The following UBE2D3 variants were observed in gnomAD, a reference collection of about 807,000 sequenced individuals.
UBE2D3 encodes ubiquitin-conjugating enzyme E2 D3.
In UBE2D3, 2 loss-of-function variants were observed where a neutral mutation model predicts 22.8. That is an observed-to-expected ratio of 0.09 (90% CI 0.04 to 0.28). The LOEUF (loss-of-function observed/expected upper bound fraction) is 0.28, where lower values mean the gene tolerates loss of function less well. Ranked by LOEUF, UBE2D3 falls within the 10% of genes least tolerant of loss-of-function variation. UBE2D3 has a pLI of 1.00. For missense variants in UBE2D3, 27 were observed against 182.5 expected, an observed-to-expected ratio of 0.15 and a Z score of 4.91; for synonymous variants, 56 against 60.4, an observed-to-expected ratio of 0.93 and a Z score of 0.34.
chr4:102,848,048 A>C (rs1732137244), intron 1 of UBE2D3, among the ~76,000 whole-genome samples: 1 of 152,310 alleles, frequency 6.6e-6, no homozygotes, highest in South Asian at 2.1e-4. Flanking sequence ...TCACTCATGC[A>C]AAAATTCAAA....
chr4:102,807,260 TTTATC>T (rs1256305365), intron 4 of UBE2D3, among the ~76,000 whole-genome samples: 1 of 152,208 alleles, frequency 6.6e-6, no homozygotes, highest in Non-Finnish European at 1.5e-5. Flanking sequence ...TAAGCTACTA[TTTATC>T]TTATACAGTG....
chr4:102,813,823 T>C (rs1728407367), intron 2 of UBE2D3, among the ~76,000 whole-genome samples: 1 of 152,036 alleles, frequency 6.6e-6, no homozygotes. Flanking sequence ...GAGGCAAATA[T>C]TTGCCTCTTA....
At position 102,817,099 on chromosome 4, in the gene UBE2D3, T is replaced by C. The variant is rs563437347; in HGVS notation, c.25-7244A>G. Among the ~76,000 whole-genome samples, 3 of 152,260 alleles carry C rather than the reference T, an allele frequency of 2.0e-5. No homozygotes were observed. In the South Asian group the frequency reaches 6.2e-4, roughly 32 times the overall value. On this transcript the variant is annotated intron_variant, in intron 2 of 7. Transcript: ENST00000453744. ...AGAACAAGGAGTGAGAGAAGCATTC[T>C]AGGTAGAGAAACTCAAAGTCAGGAG...
chr4:102,819,702 AC>A, intron 2 of UBE2D3: 1 of 521,096 alleles, frequency 1.9e-6, no homozygotes, highest in Non-Finnish European at 2.5e-6. Flanking sequence ...TAAAATTATC[AC>A]CACGATGTTC....
chr4:102,825,513 C>T (rs1259738092), intron 2 of UBE2D3: 12 of 1,168,866 alleles, frequency 1.0e-5, no homozygotes, highest in Non-Finnish European at 1.2e-5. Flanking sequence ...AGAGCCTGAA[C>T]CAGTTAAAGC....
intron 4 of UBE2D3, among the ~76,000 whole-genome samples, chr4:102,806,962 A>G (rs1359515455): frequency 1.3e-5 from 2 of 152,192 alleles, no homozygotes; most frequent in African/African-American, 2.4e-5. Flanking sequence ...AAGCCAGTAC[A>G]TATGATTATT....
At chr4:102,802,276 A>G in intron 5 of UBE2D3, 1 of 250,454 alleles carries the variant, frequency 4.0e-6, no homozygotes. Context: ...CAAGACAACA[A>G]AAGCCCAAAA....
intron 1 of UBE2D3, among the ~76,000 whole-genome samples, chr4:102,846,811 A>AT (rs765588517): frequency 0.02 from 2,822 of 141,590 alleles, 64 homozygotes; most frequent in African/African-American, 0.056. Context: ...GGCTAATTAA[A>AT]TTTTTTTTTT....
intron 1 of UBE2D3, among the ~76,000 whole-genome samples, chr4:102,844,417 C>T (rs192740574): frequency 1.1e-4 from 16 of 152,252 alleles, no homozygotes; most frequent in African/African-American, 3.9e-4. Context: ...CCTGCTTTTC[C>T]TTTACTATCT....
intron 1 of UBE2D3, among the ~76,000 whole-genome samples, chr4:102,860,834 G>C (rs1732862575): frequency 6.6e-6 from 1 of 151,818 alleles, no homozygotes; most frequent in Non-Finnish European, 1.5e-5. Context: ...CTAGTGGGTG[G>C]GTGCATGGAG....
At position 102,827,518 on chromosome 4, in the gene UBE2D3, G is replaced by A. The variant is rs533225740; in HGVS notation, c.-220C>T. ...CCGGCCCTACGGGGCTCACGCGCAC[G>A]ACACAGCCACAAGATGTCCGCTCTG... On this transcript the variant is annotated 5_prime_UTR_variant, in exon 1 of 8. Coordinates refer to ENST00000453744, the MANE Select transcript of UBE2D3 (RefSeq NM_181891.3). 110 of 985,974 alleles carry A rather than the reference G, an allele frequency of 1.1e-4. 1 individual carries two copies. The highest frequency in any genetic ancestry group is 7.5e-4 in the South Asian group (16 of 21,338). 61.1% of individuals were successfully genotyped at this position (985,974 alleles called of 1,614,324 possible). A position where few individuals can be genotyped will look rare whatever the true frequency, so the allele number is the denominator to read the frequency against.
At chr4:102,831,186 A>G (rs1731097873), upstream of UBE2D3, among the ~76,000 whole-genome samples, 1 of 152,228 alleles carries the variant, frequency 6.6e-6, no homozygotes, top group African/African-American at 2.4e-5. Context: ...TATATTCAGA[A>G]TGCTCATTTA....
Position 102,855,772 on chromosome 4 carries a change from T to G in UBE2D3, c.-129+12943A>C, listed in dbSNP as rs1449183081. Among the ~76,000 whole-genome samples the G allele has an allele frequency of 2.0e-5, 3 of 152,156 alleles. No individual in the cohort carries two copies. In the East Asian group the frequency reaches 5.8e-4, roughly 29 times the overall value. On this transcript the variant is annotated intron_variant, in intron 1 of 7. Transcript: ENST00000338145. ...CCTACCAAGTGTCAGGTACTAAGGATTCATCAGTCAACAAGATAGGTAAAT... is the reference window on the plus strand; with the variant it reads ...CCTACCAAGTGTCAGGTACTAAGGAGTCATCAGTCAACAAGATAGGTAAAT...
intron 2 of UBE2D3, among the ~76,000 whole-genome samples, chr4:102,814,563 A>G (rs1728535882): frequency 6.7e-6 from 1 of 150,350 alleles, no homozygotes; most frequent in Non-Finnish European, 1.5e-5. Flanking sequence ...TCGGCCTCCC[A>G]AAGTGCTAGG....
Position 102,795,483 on chromosome 4 carries a change from T to C in UBE2D3, c.*1932A>G, listed in dbSNP as rs537041242. The stretch of plus-strand genomic sequence containing the variant: ...TCATAATTTGAATCCAAAAAAGTTA[T>C]GCAGTATGACATCTACCCTGAAGGA... On this transcript the variant is annotated 3_prime_UTR_variant, in exon 8 of 8. Coordinates refer to ENST00000453744, the MANE Select transcript of UBE2D3 (RefSeq NM_181891.3). The C allele has an allele frequency of 2.6e-5, 4 of 152,212 alleles. No homozygotes were observed. The South Asian group carries it at 8.3e-4, about 31-fold the overall frequency. 9.4% of individuals were successfully genotyped at this position (152,212 alleles called of 1,614,324 possible).
At chr4:102,808,240 T>C (rs1041397249) in intron 4 of UBE2D3, among the ~76,000 whole-genome samples, 3 of 152,210 alleles carry the variant, frequency 2.0e-5, no homozygotes, top group African/African-American at 7.2e-5. Context: ...GCTTATGGAA[T>C]GTGGGCCTAC....
Position 102,866,204 on chromosome 4 carries a change from A to G in UBE2D3, c.-129+2511T>C, listed in dbSNP as rs548829347. 1.1e-4 allele frequency among the ~76,000 whole-genome samples: 17 copies of G among 152,370 alleles called. No homozygotes were observed. The South Asian group carries it at 3.3e-3, about 30-fold the overall frequency. On this transcript the variant is annotated intron_variant, in intron 1 of 7. Transcript: ENST00000338145. ...ATTCGCATAGCTCATGTAATGCATC[A>G]GAATACCTAATATATGATCCACACC...
intron 1 of UBE2D3, among the ~76,000 whole-genome samples, chr4:102,850,040 A>C (rs904242563): frequency 1.1e-4 from 17 of 152,258 alleles, no homozygotes; most frequent in African/African-American, 3.9e-4. Context: ...CAGCCCACTG[A>C]AATATCAACA....
chr4:102,866,840 C>A (rs1406726808), intron 1 of UBE2D3, among the ~76,000 whole-genome samples: 1 of 152,090 alleles, frequency 6.6e-6, no homozygotes, highest in South Asian at 2.1e-4. Flanking sequence ...TCCAACCTAC[C>A]CCTACCTCAA....
Sources: gnomAD v4.1 joint callset for allele counts (sites outside exome capture counted in the v4.1 genomes callset) on GRCh38, gnomAD v4.1.1 for gene constraint, MANE v1.5 for transcripts, NCBI Gene and HGNC (gene_info 2026-07-23, HGNC 2026-07-21) for gene names.